The following CLVS1 variants were observed in gnomAD, a reference collection of about 807,000 sequenced individuals.
The protein encoded by CLVS1 is clavesin-1.
A neutral mutation model predicts 33.1 loss-of-function variants in CLVS1; 10 were observed. The observed-to-expected ratio is 0.30, with a 90% confidence interval of 0.19 to 0.51. The LOEUF (loss-of-function observed/expected upper bound fraction) is 0.51. Ranked by LOEUF, CLVS1 falls within the 20% of genes least tolerant of loss-of-function variation. The pLI is 0.97. For missense variants in CLVS1, 343 were observed against 433.4 expected (o/e 0.79, Z 1.85); for synonymous variants, 163 against 166.1 (o/e 0.98, Z 0.14).
intron 2 of CLVS1, among the ~76,000 whole-genome samples, chr8:61,259,039 A>G (rs545494918): frequency 9.9e-4 from 150 of 152,254 alleles, no homozygotes; most frequent in Non-Finnish European, 1.6e-3. Context: ...AGCTTAGGAA[A>G]GAATTCTATG....
chr8:61,219,793 C>T (rs1430301754), intron 2 of CLVS1, among the ~76,000 whole-genome samples: 1 of 152,192 alleles, frequency 6.6e-6, no homozygotes. Context: ...TATTCCTCCA[C>T]AGCCTTGCCA....
intron 1 of CLVS1, among the ~76,000 whole-genome samples, chr8:61,093,471 C>T (rs963489003): frequency 6.6e-6 from 1 of 152,126 alleles, no homozygotes; most frequent in Non-Finnish European, 1.5e-5. Context: ...AAAGATTGCT[C>T]ATTATAATGT....
chr8:61,364,602 T>C (rs1447785789), intron 2 of CLVS1, among the ~76,000 whole-genome samples: 1 of 152,228 alleles, frequency 6.6e-6, no homozygotes, highest in African/African-American at 2.4e-5. Context: ...ATTTGTAAAA[T>C]GAGAAAGGAT....
the CLVS1 span, among the ~76,000 whole-genome samples, chr8:61,007,214 G>T: frequency 2.6e-5 from 4 of 152,210 alleles, no homozygotes; most frequent in Admixed American, 1.3e-4. Context: ...AATTTTAGTC[G>T]TGTTTAGATA....
At chr8:61,210,587 G>C (rs1272876046) in intron 2 of CLVS1, among the ~76,000 whole-genome samples, 1 of 152,234 alleles carries the variant, frequency 6.6e-6, no homozygotes, top group Non-Finnish European at 1.5e-5. Context: ...TCATGGGCCT[G>C]AGTGCTACAG....
chr8:61,500,384 A>AAAG lies in CLVS1; in HGVS notation c.*843_*845dup, dbSNP rs1488773494. On this transcript the variant is annotated 3_prime_UTR_variant, in exon 6 of 6. Coordinates refer to ENST00000325897, the MANE Select transcript of CLVS1 (RefSeq NM_173519.3). ...CTCAACTGGGTCACTACAGCAAAGA[A>AAAG]AAGTGCTATCAAACCATTTACCCTT... 2.0e-5 allele frequency: 3 copies of AAAG among 152,004 alleles called. No homozygotes were observed. Among genetic ancestry groups the AAAG allele is most frequent in the South Asian group, 2.1e-4 (1 of 4,820 alleles). 9.4% of individuals were successfully genotyped at this position (152,004 alleles called of 1,614,324 possible).
chr8:61,474,162 A>G (rs565293961), intron 5 of CLVS1, among the ~76,000 whole-genome samples: 2 of 152,208 alleles, frequency 1.3e-5, no homozygotes, highest in Non-Finnish European at 2.9e-5. Flanking sequence ...CCATTCTCCA[A>G]CATGGAGAAT....
chr8:61,440,002 T>C lies in CLVS1; in HGVS notation c.631-14139T>C, dbSNP rs375516267. On this transcript the variant is annotated intron_variant, in intron 3 of 5. Coordinates refer to ENST00000325897, the MANE Select transcript of CLVS1 (RefSeq NM_173519.3). ...ATTCAGCCTTCCCTTTGTCTTCATG[T>C]CTGGTTATCTAAGCAATTTATTAGC... 1.3e-5 allele frequency among the ~76,000 whole-genome samples: 2 copies of C among 152,338 alleles called. 1 individual carries two copies. The highest frequency in any genetic ancestry group is 1.3e-4 in the Admixed American group (2 of 15,296).
At chr8:61,103,277 C>T (rs1406685124) in intron 1 of CLVS1, among the ~76,000 whole-genome samples, 1 of 152,150 alleles carries the variant, frequency 6.6e-6, no homozygotes, top group African/African-American at 2.4e-5. Flanking sequence ...GAAAAGGCAA[C>T]CAACCATTTA....
At chr8:61,494,297 A>T (rs1804196051) in intron 5 of CLVS1, among the ~76,000 whole-genome samples, 1 of 152,086 alleles carries the variant, frequency 6.6e-6, no homozygotes, top group African/African-American at 2.4e-5. Context: ...GGAGGGTAGA[A>T]TAAAGGAGGG....
chr8:61,371,270 G>C (rs998162108), intron 2 of CLVS1, among the ~76,000 whole-genome samples: 1 of 152,058 alleles, frequency 6.6e-6, no homozygotes, highest in Non-Finnish European at 1.5e-5. Flanking sequence ...TCATATGTTT[G>C]TTGGCCCTTT....
chr8:61,376,228 T>C (rs1413426293), intron 2 of CLVS1, among the ~76,000 whole-genome samples: 1 of 152,200 alleles, frequency 6.6e-6, no homozygotes, highest in African/African-American at 2.4e-5. Context: ...GAAACAACTA[T>C]GATTATGGCG....
chr8:61,441,622 AC>A (rs1816549160), intron 3 of CLVS1, among the ~76,000 whole-genome samples: 1 of 152,180 alleles, frequency 6.6e-6, no homozygotes, highest in Non-Finnish European at 1.5e-5. Context: ...AGAAAATGGC[AC>A]TAGTTAATCC....
the CLVS1 span, among the ~76,000 whole-genome samples, chr8:61,029,963 A>G: frequency 6.6e-6 from 1 of 152,190 alleles, no homozygotes; most frequent in African/African-American, 2.4e-5. Context: ...TCCCTTATGT[A>G]GAAAAGTCGA....
At chr8:61,497,442 T>TGA (rs1554581107) in intron 5 of CLVS1, among the ~76,000 whole-genome samples, 3 of 127,616 alleles carry the variant, frequency 2.4e-5, no homozygotes, top group Admixed American at 1.6e-4. Context: ...AGGTTTTTAT[T>TGA]GGGGGGGGGG....
At chr8:61,135,662 A>T (rs1312918619) in intron 2 of CLVS1, among the ~76,000 whole-genome samples, 1 of 152,062 alleles carries the variant, frequency 6.6e-6, no homozygotes, top group Non-Finnish European at 1.5e-5. Context: ...GAACCAATAT[A>T]TTTGTTTTTA....
At chr8:61,338,703 T>G (rs374981135) in intron 2 of CLVS1, among the ~76,000 whole-genome samples, 182 of 152,236 alleles carry the variant, frequency 1.2e-3, no homozygotes, top group African/African-American at 4.0e-3. Context: ...CTTTCTGGTG[T>G]GGGAGCCACA....
intron 3 of CLVS1, among the ~76,000 whole-genome samples, chr8:61,399,325 A>G (rs903791032): frequency 6.6e-6 from 1 of 152,150 alleles, no homozygotes; most frequent in Non-Finnish European, 1.5e-5. Context: ...TGTTGGCCAC[A>G]TGTATGTCTT....
At chr8:61,267,839 A>G (rs1809343421) in intron 2 of CLVS1, among the ~76,000 whole-genome samples, 2 of 152,238 alleles carry the variant, frequency 1.3e-5, no homozygotes, top group South Asian at 4.1e-4. Context: ...TTGTAACTAT[A>G]TTGTCATTTT....
Sources: gnomAD v4.1 joint callset for allele counts (sites outside exome capture counted in the v4.1 genomes callset) on GRCh38, gnomAD v4.1.1 for gene constraint, MANE v1.5 for transcripts, NCBI Gene and HGNC (gene_info 2026-07-23, HGNC 2026-07-21) for gene names.